DNER: variants seen among roughly 807,000 people sequenced by gnomAD.
The protein encoded by DNER is delta and Notch-like epidermal growth factor-related receptor.
In DNER, 33 loss-of-function variants were observed where a neutral mutation model predicts 78.2. The ratio of observed to expected loss-of-function variants is 0.42; its 90% CI spans 0.32 to 0.56. The LOEUF (loss-of-function observed/expected upper bound fraction) is 0.56, where lower values mean the gene tolerates loss of function less well. Ranked by LOEUF, DNER falls within the 20% of genes least tolerant of loss-of-function variation. The probability of loss-of-function intolerance (pLI) is 0.11; values close to 1 mark genes in which losing one functional copy is unlikely to be tolerated. For synonymous variants in DNER, 417 were observed against 384.8 expected, an observed-to-expected ratio of 1.08 and a Z score of -0.98; for missense variants, 918 against 975.3, an observed-to-expected ratio of 0.94 and a Z score of 0.78.
intron 11 of DNER, among the ~76,000 whole-genome samples, chr2:229,375,716 G>A (rs574400467): frequency 6.6e-6 from 1 of 152,282 alleles, no homozygotes; most frequent in Admixed American, 6.5e-5. Context: ...TTTTATCTTT[G>A]AGAATTTCTA....
chr2:229,550,529 C>A (rs534385657), intron 4 of DNER, among the ~76,000 whole-genome samples: 1 of 152,122 alleles, frequency 6.6e-6, no homozygotes, highest in Admixed American at 6.5e-5. Flanking sequence ...GTAATCTCAG[C>A]ACTTTTGGAG....
chr2:229,650,127 G>A (rs571328159), intron 1 of DNER, among the ~76,000 whole-genome samples: 36 of 150,986 alleles, frequency 2.4e-4, no homozygotes, highest in African/African-American at 8.7e-4. Context: ...GAACTCCCAG[G>A]TGTAACTTAC....
At chr2:229,610,943 T>C (rs1698034979) in intron 1 of DNER, among the ~76,000 whole-genome samples, 1 of 152,268 alleles carries the variant, frequency 6.6e-6, no homozygotes, top group Admixed American at 6.5e-5. Context: ...CTACAACTTC[T>C]GTCAGATATT....
At chr2:229,653,367 G>A (rs568079094) in intron 1 of DNER, among the ~76,000 whole-genome samples, 5 of 152,222 alleles carry the variant, frequency 3.3e-5, no homozygotes, top group African/African-American at 9.6e-5. Flanking sequence ...AGCAAATTCC[G>A]GTTTTTGTTT....
chr2:229,548,580 TG>T (rs1249432862), intron 4 of DNER, among the ~76,000 whole-genome samples: 1 of 151,228 alleles, frequency 6.6e-6, no homozygotes, highest in African/African-American at 2.4e-5. Flanking sequence ...CATCACACAC[TG>T]GGGCCTGTCA....
intron 1 of DNER, among the ~76,000 whole-genome samples, chr2:229,662,958 T>C (rs1478682397): frequency 2.0e-5 from 3 of 152,220 alleles, no homozygotes; most frequent in African/African-American, 7.2e-5. Flanking sequence ...TTATGTAGCA[T>C]GAGACAGCTG....
chr2:229,376,278 T>C (rs1191532058), intron 11 of DNER, among the ~76,000 whole-genome samples: 1 of 152,144 alleles, frequency 6.6e-6, no homozygotes, highest in Admixed American at 6.6e-5. Context: ...ACTAGGTTAA[T>C]GTCCTTATAA....
chr2:229,425,869 AC>A (rs1693865556), intron 8 of DNER, among the ~76,000 whole-genome samples: 1 of 152,222 alleles, frequency 6.6e-6, no homozygotes, highest in African/African-American at 2.4e-5. Context: ...GATCAGGACA[AC>A]CAGGGGGAGG....
chr2:229,633,224 A>G (rs1170587163), intron 1 of DNER, among the ~76,000 whole-genome samples: 1 of 152,260 alleles, frequency 6.6e-6, no homozygotes, highest in Non-Finnish European at 1.5e-5. Context: ...TGGTACAATG[A>G]CCACGTGGAG....
rs185056733 is a variant in DNER, at chr2:229,692,022, C to T, written c.276+22126G>A. On this transcript the variant is annotated intron_variant, in intron 1 of 12. Transcript: ENST00000341772. The stretch of plus-strand genomic sequence containing the variant: ...GAATCTGAGAATGAAGCCTATAAAA[C>T]GGAAAGTGGACCCAAGAAATGAAGA... Among the ~76,000 whole-genome samples the T allele has an allele frequency of 1.7e-4, 26 of 152,266 alleles. No individual in the cohort carries two copies. The South Asian group carries it at 2.9e-3, about 17-fold the overall frequency.
At chr2:229,372,108 A>G (rs1270552742) in intron 11 of DNER, among the ~76,000 whole-genome samples, 1 of 152,260 alleles carries the variant, frequency 6.6e-6, no homozygotes, top group Non-Finnish European at 1.5e-5. Flanking sequence ...TTCACTGAGC[A>G]CATTAATTAA....
rs541334065 is a variant in DNER at position 229,547,938 on chromosome 2, T to G, written c.848-846A>C. On this transcript the variant is annotated intron_variant, in intron 4 of 12. Transcript: ENST00000341772. The stretch of plus-strand genomic sequence containing the variant: ...TTTTGCATCAAGGATTAAATTATTT[T>G]CACTAAGTGAGCATTTTTTTCTAAT... Among the ~76,000 whole-genome samples, 13 of 152,362 alleles carry G rather than the reference T, an allele frequency of 8.5e-5. 1 individual carries two copies. Among genetic ancestry groups the G allele is most frequent in the African/African-American group, 2.9e-4 (12 of 41,590 alleles).
intron 1 of DNER, among the ~76,000 whole-genome samples, chr2:229,648,065 GA>G (rs944009762): frequency 7.9e-5 from 12 of 151,786 alleles, no homozygotes; most frequent in African/African-American, 2.9e-4. Flanking sequence ...TTTTTATACT[GA>G]AAAAAAATAA....
At chr2:229,688,678 G>C (rs1040970073) in intron 1 of DNER, among the ~76,000 whole-genome samples, 3 of 152,176 alleles carry the variant, frequency 2.0e-5, no homozygotes, top group African/African-American at 7.2e-5. Flanking sequence ...GGGAGACACA[G>C]GAAAGTGTAT....
intron 1 of DNER, among the ~76,000 whole-genome samples, chr2:229,661,771 G>A (rs568729290): frequency 6.6e-6 from 1 of 152,208 alleles, no homozygotes; most frequent in South Asian, 2.1e-4. Context: ...TCAATTAAAC[G>A]TTGACATGAA....
intron 6 of DNER, among the ~76,000 whole-genome samples, chr2:229,483,837 C>T (rs1024567185): frequency 2.0e-5 from 3 of 152,136 alleles, no homozygotes; most frequent in African/African-American, 7.2e-5. Context: ...TCTAAAACTT[C>T]GCTCTTATTT....
intron 1 of DNER, among the ~76,000 whole-genome samples, chr2:229,697,879 A>C (rs1169461780): frequency 2.6e-5 from 4 of 152,148 alleles, no homozygotes; most frequent in Non-Finnish European, 5.9e-5. Flanking sequence ...AGGAGTTTTC[A>C]AGGCATGCAT....
intron 6 of DNER, among the ~76,000 whole-genome samples, chr2:229,477,794 A>G (rs1415637601): frequency 6.6e-6 from 1 of 152,236 alleles, no homozygotes; most frequent in African/African-American, 2.4e-5. Context: ...TGAGGCAAAC[A>G]GAATGCTAAG....
Position 229,659,534 on chromosome 2 carries a change from C to T in DNER, c.276+54614G>A, listed in dbSNP as rs572029379. On this transcript the variant is annotated intron_variant, in intron 1 of 12. Transcript: ENST00000341772. ...GTATGACCTTGAATAAATCGGGTAC[C>T]GCTCTTAGCCTCCATTTTGCTACCT... is the stretch of plus-strand genomic sequence containing the variant. 1.1e-4 allele frequency among the ~76,000 whole-genome samples: 16 copies of T among 152,172 alleles called. No individual in the cohort carries two copies. In the South Asian group the frequency reaches 2.7e-3, roughly 26 times the overall value.
Sources: allele counts gnomAD v4.1 joint callset (sites outside exome capture counted in the v4.1 genomes callset), GRCh38; gene constraint gnomAD v4.1.1; transcripts MANE v1.5; gene names NCBI Gene and HGNC (gene_info 2026-07-23, HGNC 2026-07-21).